The following PALS2 variants were observed in gnomAD, a reference collection of about 807,000 sequenced individuals.
PALS2 encodes protein associated with LIN7 2, MAGUK p55 family member.
Under a neutral mutation model 61.6 loss-of-function variants are expected in PALS2, and 27 were observed. That is an observed-to-expected ratio of 0.44 (90% confidence interval 0.32 to 0.60). PALS2 has a LOEUF of 0.60. Ranked by LOEUF, PALS2 falls within the 20% of genes least tolerant of loss-of-function variation. PALS2 has a pLI of 0.05. For synonymous variants in PALS2, 236 were observed against 218.6 expected (o/e 1.08, Z -0.70); for missense variants, 554 against 639.4 (o/e 0.87, Z 1.44).
intron 2 of PALS2, among the ~76,000 whole-genome samples, chr7:24,634,699 G>C (rs1190058436): frequency 6.6e-6 from 1 of 152,122 alleles, no homozygotes; most frequent in East Asian, 1.9e-4. Flanking sequence ...TTAGGTGTTG[G>C]ATCCATTTTA....
At chr7:24,651,911 ATTAT>A (rs1407120616) in intron 5 of PALS2, among the ~76,000 whole-genome samples, 1 of 152,244 alleles carries the variant, frequency 6.6e-6, no homozygotes, top group African/African-American at 2.4e-5. Flanking sequence ...GTAAGGATAG[ATTAT>A]TTAGTCATTA....
chr7:24,610,424 A>G (rs868412450), intron 1 of PALS2, among the ~76,000 whole-genome samples: 1 of 152,130 alleles, frequency 6.6e-6, no homozygotes, highest in Non-Finnish European at 1.5e-5. Context: ...GTTTGTCCAT[A>G]TATTTTCTTC....
chr7:24,628,246 G>A (rs1411312467), intron 2 of PALS2, among the ~76,000 whole-genome samples: 2 of 152,034 alleles, frequency 1.3e-5, no homozygotes, highest in Admixed American at 1.3e-4. Flanking sequence ...CATCACATAA[G>A]CAGAACCAAT....
At chr7:24,599,525 T>TTTTTTTG (rs4000763) in intron 1 of PALS2, among the ~76,000 whole-genome samples, 3,215 of 143,240 alleles carry the variant, frequency 0.022, 53 homozygotes, top group Non-Finnish European at 0.037. Context: ...TTTTTTTTTT[T>TTTTTTTG]ATGGAGTCTT....
chr7:24,593,449 A>G (rs756614449), intron 1 of PALS2, among the ~76,000 whole-genome samples: 5 of 152,134 alleles, frequency 3.3e-5, no homozygotes, highest in Non-Finnish European at 5.9e-5. Flanking sequence ...TAAATGGTGA[A>G]TCCTTTCCAA....
chr7:24,592,691 C>G (rs977896362), intron 1 of PALS2, among the ~76,000 whole-genome samples: 2 of 151,992 alleles, frequency 1.3e-5, no homozygotes, highest in African/African-American at 4.8e-5. Context: ...TTTTTATTTC[C>G]CAGTGCATGT....
At chr7:24,601,885 T>C (rs1053181419) in intron 1 of PALS2, among the ~76,000 whole-genome samples, 54 of 152,134 alleles carry the variant, frequency 3.5e-4, no homozygotes, top group Non-Finnish European at 1.0e-4. Flanking sequence ...TATTCTGATA[T>C]TTCACAACAA....
chr7:24,678,578 G>A (rs918410330), intron 9 of PALS2, among the ~76,000 whole-genome samples: 2 of 152,128 alleles, frequency 1.3e-5, no homozygotes, highest in South Asian at 2.1e-4. Flanking sequence ...GCTTGCTCAC[G>A]TTTTGGGGCA....
At chr7:24,592,136 A>C (rs1783311936) in intron 1 of PALS2, among the ~76,000 whole-genome samples, 1 of 152,174 alleles carries the variant, frequency 6.6e-6, no homozygotes, top group African/African-American at 2.4e-5. Context: ...CATATCCACT[A>C]ATGACCACAA....
At chr7:24,595,958 C>A (rs373889865) in intron 1 of PALS2, among the ~76,000 whole-genome samples, 17 of 151,610 alleles carry the variant, frequency 1.1e-4, no homozygotes, top group African/African-American at 4.1e-4. Context: ...CAGAAAGGAG[C>A]CCAGTGTGAC....
chr7:24,643,006 T>C (rs1785643388), intron 3 of PALS2, among the ~76,000 whole-genome samples: 1 of 152,086 alleles, frequency 6.6e-6, no homozygotes, highest in Admixed American at 6.6e-5. Context: ...GCAGTACGTA[T>C]AGATAGAAAT....
chr7:24,615,338 G>T (rs529664260), intron 1 of PALS2, among the ~76,000 whole-genome samples: 20 of 151,666 alleles, frequency 1.3e-4, no homozygotes, highest in Non-Finnish European at 2.7e-4. Context: ...AAAGAAGTTG[G>T]TTTTTTAAAA....
intron 1 of PALS2, among the ~76,000 whole-genome samples, chr7:24,587,376 T>C (rs1054209782): frequency 6.6e-5 from 10 of 152,028 alleles, no homozygotes; most frequent in African/African-American, 2.2e-4. Context: ...GAATATGTTA[T>C]TTTTAATTTA....
chr7:24,591,226 T>G (rs949208575), intron 1 of PALS2, among the ~76,000 whole-genome samples: 1 of 152,076 alleles, frequency 6.6e-6, no homozygotes, highest in African/African-American at 2.4e-5. Context: ...TTAGGAAAAA[T>G]CAATGTAAAT....
intron 5 of PALS2, among the ~76,000 whole-genome samples, chr7:24,652,991 GA>G (rs1434541494): frequency 1.3e-5 from 2 of 152,184 alleles, no homozygotes; most frequent in Non-Finnish European, 2.9e-5. Flanking sequence ...TTATAGCTTA[GA>G]TTTCCGGGGG....
In PALS2 at chr7:24,641,675, C is replaced by A. The variant is rs575627503; in HGVS notation, c.118-41C>A. The stretch of plus-strand genomic sequence containing the variant: ...ATAAACCATGGTCTGGTGCAAATAA[C>A]AAATAAGTATTACTACTTTAATATA... On this transcript the variant is annotated intron_variant, in intron 2 of 11. Transcript: ENST00000222644. 89 of 1,475,936 alleles carry A rather than the reference C, an allele frequency of 6.0e-5. No homozygotes were observed. The African/African-American group carries it at 1.2e-3, about 19-fold the overall frequency. 91.4% of individuals were successfully genotyped at this position (1,475,936 alleles called of 1,614,324 possible).
chr7:24,675,921 T>TA (rs1164719581), intron 9 of PALS2, among the ~76,000 whole-genome samples: 1 of 147,428 alleles, frequency 6.8e-6, no homozygotes, highest in Non-Finnish European at 1.5e-5. Context: ...ATGGGATGGC[T>TA]GGGTCAAATG....
In PALS2 at chr7:24,607,533, A is replaced by G. The variant is rs191900671; in HGVS notation, c.-2-16133A>G. Among the ~76,000 whole-genome samples, 452 of 151,802 alleles carry G rather than the reference A, an allele frequency of 3.0e-3. 2 individuals are homozygous for G. Among genetic ancestry groups the G allele is most frequent in the African/African-American group, 0.01 (415 of 41,392 alleles). The stretch of plus-strand genomic sequence containing the variant: ...TATATATGTGTATATATGTGTGTGT[A>G]TATATACACGTGTATATATGTATGT... On this transcript the variant is annotated intron_variant, in intron 1 of 11. Transcript: ENST00000222644.
At chr7:24,632,376 TC>T (rs1210489258) in intron 2 of PALS2, among the ~76,000 whole-genome samples, 1 of 152,186 alleles carries the variant, frequency 6.6e-6, no homozygotes, top group African/African-American at 2.4e-5. Context: ...TGTAATTCGA[TC>T]TTTTTTAATT....
Sources: allele counts gnomAD v4.1 joint callset (sites outside exome capture counted in the v4.1 genomes callset), GRCh38; gene constraint gnomAD v4.1.1; transcripts MANE v1.5; gene names NCBI Gene and HGNC (gene_info 2026-07-23, HGNC 2026-07-21).